The following CLSTN2 variants were observed in gnomAD, a reference collection of about 807,000 sequenced individuals.
CLSTN2 encodes the protein calsyntenin 2, also known as calsyntenin-2.
CLSTN2 carries 48 observed loss-of-function variants against 101.2 expected under a neutral mutation model. That is an observed-to-expected ratio of 0.47 (90% CI 0.38 to 0.60). The LOEUF (loss-of-function observed/expected upper bound fraction) is 0.60. CLSTN2 is among the 20% of genes least tolerant of loss of function. CLSTN2 has a pLI of 0.00. For synonymous variants in CLSTN2, 481 were observed against 463.6 expected, an observed-to-expected ratio of 1.04 and a Z score of -0.48; for missense variants, 1,160 against 1,238.2, an observed-to-expected ratio of 0.94 and a Z score of 0.95.
intron 8 of CLSTN2, among the ~76,000 whole-genome samples, chr3:140,498,650 T>G (rs899055490): frequency 6.6e-6 from 1 of 152,262 alleles, no homozygotes; most frequent in Non-Finnish European, 1.5e-5. Context: ...TTATTTGTTT[T>G]GTGCTAATTC....
chr3:140,231,944 T>C (rs376515830), intron 2 of CLSTN2, among the ~76,000 whole-genome samples: 1 of 152,356 alleles, frequency 6.6e-6, no homozygotes, highest in East Asian at 1.9e-4. Flanking sequence ...TGGGCAAGTT[T>C]GTTTTATCTC....
intron 1 of CLSTN2, among the ~76,000 whole-genome samples, chr3:139,993,390 G>C (rs1330492876): frequency 6.6e-6 from 1 of 152,074 alleles, no homozygotes; most frequent in African/African-American, 2.4e-5. Context: ...CCCTGTCCTG[G>C]GGATACTGGG....
chr3:140,193,765 G>T (rs1434114332), intron 2 of CLSTN2, among the ~76,000 whole-genome samples: 1 of 151,914 alleles, frequency 6.6e-6, no homozygotes, highest in Non-Finnish European at 1.5e-5. Flanking sequence ...GGATTCCAAT[G>T]CCATGAATGT....
chr3:140,033,670 G>A (rs1358163826), intron 1 of CLSTN2, among the ~76,000 whole-genome samples: 2 of 152,218 alleles, frequency 1.3e-5, no homozygotes, highest in African/African-American at 4.8e-5. Flanking sequence ...AAGAGACGCA[G>A]AATATTCTTC....
intron 2 of CLSTN2, among the ~76,000 whole-genome samples, chr3:140,268,495 A>G (rs72990166): frequency 0.034 from 5,186 of 152,302 alleles, 180 homozygotes; most frequent in African/African-American, 0.085. Context: ...GCAAGGACAC[A>G]GGCAGGCAGG....
chr3:140,272,454 T>A (rs1377575594), intron 2 of CLSTN2, among the ~76,000 whole-genome samples: 1 of 152,138 alleles, frequency 6.6e-6, no homozygotes, highest in African/African-American at 2.4e-5. Flanking sequence ...AAGGTTATAA[T>A]AATTAGAATG....
chr3:140,159,219 A>G (rs1317966998), intron 1 of CLSTN2, among the ~76,000 whole-genome samples: 1 of 152,194 alleles, frequency 6.6e-6, no homozygotes, highest in East Asian at 1.9e-4. Context: ...AAAAGAAACT[A>G]TCAACAGAAT....
Position 140,403,818 on chromosome 3 carries a change from C to G in CLSTN2, c.422C>G (p.Ser141Ter). The change falls in exon 3 of 17, where the codon TCA (serine) becomes TGA (stop). Residue 141 changes from serine (S) to a stop codon, truncating the protein, a stop_gained. Coordinates refer to ENST00000458420, the MANE Select transcript of CLSTN2 (RefSeq NM_022131.3). LOFTEE classifies it high-confidence loss of function. Reference sequence around the variant, plus strand: ...CCCCACGAGACAGCCTGGAAAAAGTCACACAAGTGAGTGGCCTGACAGAGC... The same window carrying G: ...CCCCACGAGACAGCCTGGAAAAAGTGACACAAGTGAGTGGCCTGACAGAGC... ...AGPHETAWKK[S>*]HKAVVHIQVK... 1.9e-6 allele frequency: 3 copies of G among 1,609,122 alleles called. No individual in the cohort carries two copies. Among genetic ancestry groups the G allele is most frequent in the Non-Finnish European group, 2.5e-6 (3 of 1,176,910 alleles).
intron 1 of CLSTN2, among the ~76,000 whole-genome samples, chr3:140,135,163 A>G (rs1465724264): frequency 2.5e-5 from 3 of 120,512 alleles, no homozygotes; most frequent in Non-Finnish European, 3.4e-5. Context: ...TATATATATA[A>G]AATATGCTGG....
chr3:140,191,775 T>A (rs2010569269), intron 2 of CLSTN2, among the ~76,000 whole-genome samples: 1 of 151,982 alleles, frequency 6.6e-6, no homozygotes, highest in Non-Finnish European at 1.5e-5. Context: ...ATATTTTCAC[T>A]ATTTCATATT....
intron 2 of CLSTN2, among the ~76,000 whole-genome samples, chr3:140,297,606 A>G (rs1156736387): frequency 6.6e-6 from 1 of 152,168 alleles, no homozygotes; most frequent in Non-Finnish European, 1.5e-5. Flanking sequence ...GTCCTTTTCT[A>G]AATTAGGAGT....
intron 1 of CLSTN2, among the ~76,000 whole-genome samples, chr3:139,988,053 AG>A (rs1189082342): frequency 1.3e-5 from 2 of 152,168 alleles, no homozygotes; most frequent in African/African-American, 4.8e-5. Context: ...TCCAGCTTTT[AG>A]CATTGTAAAA....
chr3:140,463,960 G>T (rs1009808336), intron 7 of CLSTN2, among the ~76,000 whole-genome samples: 1 of 152,106 alleles, frequency 6.6e-6, no homozygotes, highest in African/African-American at 2.4e-5. Flanking sequence ...TGAGGAATTT[G>T]CCGCAAGCAC....
At chr3:140,235,013 C>T (rs1341027277) in intron 2 of CLSTN2, among the ~76,000 whole-genome samples, 3 of 152,166 alleles carry the variant, frequency 2.0e-5, no homozygotes, top group Admixed American at 1.3e-4. Context: ...GGATATGAGA[C>T]TTATCTCCTT....
intron 1 of CLSTN2, among the ~76,000 whole-genome samples, chr3:139,963,840 C>G (rs1935550867): frequency 6.6e-6 from 1 of 152,176 alleles, no homozygotes; most frequent in South Asian, 2.1e-4. Flanking sequence ...CAGAGTCTTG[C>G]ACAGCAGAGC....
intron 1 of CLSTN2, among the ~76,000 whole-genome samples, chr3:140,046,544 G>T (rs962126727): frequency 1.3e-5 from 2 of 152,142 alleles, no homozygotes; most frequent in Non-Finnish European, 2.9e-5. Context: ...GTGTGAATTT[G>T]ATCCTGTCAT....
intron 8 of CLSTN2, among the ~76,000 whole-genome samples, chr3:140,531,282 G>C (rs1935250178): frequency 3.9e-5 from 6 of 152,292 alleles, no homozygotes; most frequent in Admixed American, 3.3e-4. Context: ...AAAAGGAGCA[G>C]TTTTCTGAGA....
At chr3:140,220,660 T>C (rs4683814) in intron 2 of CLSTN2, among the ~76,000 whole-genome samples, 150,266 of 152,350 alleles carry the variant, frequency 0.99, 74,132 homozygotes, top group East Asian at 1. Context: ...CTAAAGATAA[T>C]GTGAGTGGAT....
intron 8 of CLSTN2, among the ~76,000 whole-genome samples, chr3:140,473,761 GTTGT>G (rs1213923741): frequency 6.6e-6 from 1 of 150,688 alleles, no homozygotes; most frequent in African/African-American, 2.4e-5. Flanking sequence ...TTTTGTTGTT[GTTGT>G]TTGTTTTTTT....
Sources: gnomAD v4.1 joint callset for allele counts (sites outside exome capture counted in the v4.1 genomes callset) on GRCh38, gnomAD v4.1.1 for gene constraint, MANE v1.5 for transcripts, NCBI Gene and HGNC (gene_info 2026-07-23, HGNC 2026-07-21) for gene names.